The following CSGALNACT1 variants were observed in gnomAD, a reference collection of about 807,000 sequenced individuals.
CSGALNACT1 encodes the protein beta4GalNAcT-1.
Under a neutral mutation model 51.0 loss-of-function variants are expected in CSGALNACT1, and 52 were observed. The ratio of observed to expected loss-of-function variants is 1.02; its 90% confidence interval spans 0.82 to 1.29. The LOEUF (loss-of-function observed/expected upper bound fraction) is 1.29. Among genes scored for constraint, CSGALNACT1 ranks in the 50% most tolerant of loss-of-function variants. The probability of loss-of-function intolerance (pLI) is 0.00; values close to 1 mark genes in which losing one functional copy is unlikely to be tolerated. For synonymous variants in CSGALNACT1, 341 were observed against 254.4 expected, an observed-to-expected ratio of 1.34 and a Z score of -3.24; for missense variants, 935 against 679.2, an observed-to-expected ratio of 1.38 and a Z score of -4.19.
chr8:19,518,860 G>T (rs1258807562), intron 3 of CSGALNACT1, among the ~76,000 whole-genome samples: 1 of 152,184 alleles, frequency 6.6e-6, no homozygotes, highest in African/African-American at 2.4e-5. Context: ...CACACTCTGT[G>T]TTGGGAAGGC....
chr8:19,655,230 T>G (rs2058156163), intron 1 of CSGALNACT1, among the ~76,000 whole-genome samples: 1 of 152,160 alleles, frequency 6.6e-6, no homozygotes, highest in Non-Finnish European at 1.5e-5. Context: ...ACTCTACACT[T>G]CAGGCACTGA....
At chr8:19,566,257 A>AT (rs1244815481) in intron 3 of CSGALNACT1, among the ~76,000 whole-genome samples, 2 of 152,178 alleles carry the variant, frequency 1.3e-5, no homozygotes, top group Non-Finnish European at 2.9e-5. Context: ...GGAAGGAGCA[A>AT]TGTGACCATG....
chr8:19,518,073 T>C (rs2079912283), intron 3 of CSGALNACT1, among the ~76,000 whole-genome samples: 1 of 152,096 alleles, frequency 6.6e-6, no homozygotes, highest in African/African-American at 2.4e-5. Context: ...TCTAGAGAAA[T>C]GCATGCTGTT....
At chr8:19,421,573 C>G (rs2057943002) in intron 6 of CSGALNACT1, among the ~76,000 whole-genome samples, 1 of 152,212 alleles carries the variant, frequency 6.6e-6, no homozygotes, top group South Asian at 2.1e-4. Flanking sequence ...CCTGGCCTAT[C>G]CCCATGCCCC....
intron 1 of CSGALNACT1, among the ~76,000 whole-genome samples, chr8:19,681,051 G>A (rs980275777): frequency 6.6e-6 from 1 of 152,014 alleles, no homozygotes; most frequent in African/African-American, 2.4e-5. Context: ...GTTATACAAG[G>A]GACTTGGGCA....
chr8:19,404,540 TG>T, exon 10 of CSGALNACT1: 1 of 453,816 alleles, frequency 2.2e-6, no homozygotes, highest in Non-Finnish European at 4.4e-6. Flanking sequence ...CCACCTGGCC[TG>T]GGGTGGATAA....
intron 1 of CSGALNACT1, among the ~76,000 whole-genome samples, chr8:19,755,584 T>C (rs1205504119): frequency 2.0e-5 from 3 of 151,650 alleles, no homozygotes; most frequent in Non-Finnish European, 2.9e-5. Flanking sequence ...GGAATACTAT[T>C]GGCATTTTAC....
chr8:19,453,041 G>C (rs1160789859), intron 5 of CSGALNACT1, among the ~76,000 whole-genome samples: 1 of 152,162 alleles, frequency 6.6e-6, no homozygotes, highest in African/African-American at 2.4e-5. Context: ...AGGCTGGGTA[G>C]TCCCCTGCAC....
chr8:19,691,032 CAGTG>C (rs2061284382), intron 1 of CSGALNACT1, among the ~76,000 whole-genome samples: 1 of 152,162 alleles, frequency 6.6e-6, no homozygotes, highest in Non-Finnish European at 1.5e-5. Flanking sequence ...TTCAAGGCTG[CAGTG>C]AGTGGCAATT....
chr8:19,700,287 A>G (rs1334823442), intron 1 of CSGALNACT1, among the ~76,000 whole-genome samples: 1 of 152,064 alleles, frequency 6.6e-6, no homozygotes, highest in African/African-American at 2.4e-5. Flanking sequence ...CTTCCTAGAC[A>G]GCACTCACAG....
chr8:19,684,986 A>G (rs751708709), upstream of CSGALNACT1, among the ~76,000 whole-genome samples: 8 of 152,204 alleles, frequency 5.3e-5, no homozygotes, highest in Non-Finnish European at 8.8e-5. Context: ...GCACTCACAG[A>G]TTTTGCCCTC....
At chr8:19,440,255 T>C (rs888584201) in intron 5 of CSGALNACT1, among the ~76,000 whole-genome samples, 1 of 152,142 alleles carries the variant, frequency 6.6e-6, no homozygotes, top group Non-Finnish European at 1.5e-5. Context: ...TCCCTGGTTC[T>C]TACCCCATAA....
intron 3 of CSGALNACT1, among the ~76,000 whole-genome samples, chr8:19,552,281 A>T (rs916690289): frequency 6.6e-6 from 1 of 152,206 alleles, no homozygotes; most frequent in African/African-American, 2.4e-5. Flanking sequence ...AGTGGACTTA[A>T]GATATCACAT....
chr8:19,530,340 G>GCA (rs1232804087), intron 3 of CSGALNACT1, among the ~76,000 whole-genome samples: 1 of 148,770 alleles, frequency 6.7e-6, no homozygotes, highest in African/African-American at 2.5e-5. Flanking sequence ...ACACACACAC[G>GCA]CACACAAGTA....
intron 3 of CSGALNACT1, among the ~76,000 whole-genome samples, chr8:19,556,550 G>A (rs1199782569): frequency 6.6e-6 from 1 of 152,154 alleles, no homozygotes; most frequent in African/African-American, 2.4e-5. Context: ...CGGCACCACG[G>A]CAACCAAGAC....
At chr8:19,469,023 A>G (rs573620171) in intron 4 of CSGALNACT1, among the ~76,000 whole-genome samples, 21 of 152,216 alleles carry the variant, frequency 1.4e-4, no homozygotes, top group African/African-American at 5.1e-4. Context: ...AGCATCAAGG[A>G]ACCCAACAGA....
chr8:19,465,017 C>A (rs1343597141), intron 4 of CSGALNACT1, among the ~76,000 whole-genome samples: 1 of 152,140 alleles, frequency 6.6e-6, no homozygotes, highest in Non-Finnish European at 1.5e-5. Flanking sequence ...GAATTAAAAA[C>A]AGGGGTCCTA....
chr8:19,461,123 G>C (rs1428600797), intron 4 of CSGALNACT1, among the ~76,000 whole-genome samples: 3 of 152,186 alleles, frequency 2.0e-5, no homozygotes, highest in Non-Finnish European at 4.4e-5. Context: ...CTCAAAGTCA[G>C]GCAAGCTGAG....
At chr8:19,497,770 C>A (rs1055214670) in intron 4 of CSGALNACT1, among the ~76,000 whole-genome samples, 1 of 152,186 alleles carries the variant, frequency 6.6e-6, no homozygotes, top group Non-Finnish European at 1.5e-5. Flanking sequence ...TGCTCAGGAC[C>A]AACCTGCCTC....
Sources: gnomAD v4.1 joint callset for allele counts (sites outside exome capture counted in the v4.1 genomes callset) on GRCh38, gnomAD v4.1.1 for gene constraint, MANE v1.5 for transcripts, NCBI Gene and HGNC (gene_info 2026-07-23, HGNC 2026-07-21) for gene names.